Variants in ARHGEF7 observed in about 807,000 individuals in gnomAD.
The protein encoded by ARHGEF7 is Rho guanine nucleotide exchange factor 7.
In ARHGEF7, 33 loss-of-function variants were observed where a neutral mutation model predicts 109.8. That is an observed-to-expected ratio of 0.30 (90% CI 0.23 to 0.40). The LOEUF (loss-of-function observed/expected upper bound fraction) is 0.40. ARHGEF7 is among the 10% of genes least tolerant of loss of function. The probability of loss-of-function intolerance (pLI) is 1.00; values close to 1 mark genes in which losing one functional copy is unlikely to be tolerated. For synonymous variants in ARHGEF7, 458 were observed against 424.6 expected, an observed-to-expected ratio of 1.08 and a Z score of -0.97; for missense variants, 938 against 1,098.5, an observed-to-expected ratio of 0.85 and a Z score of 2.07.
chr13:111,284,529 C>T (rs1220492521), intron 16 of ARHGEF7, among the ~76,000 whole-genome samples: 2 of 152,194 alleles, frequency 1.3e-5, no homozygotes, highest in Non-Finnish European at 2.9e-5. Flanking sequence ...ACTACAAGAA[C>T]TGGTGGAGAC....
chr13:111,278,415 G>A (rs530296419), intron 13 of ARHGEF7, among the ~76,000 whole-genome samples: 24 of 152,252 alleles, frequency 1.6e-4, no homozygotes, highest in Admixed American at 3.9e-4. Context: ...CCGCCACTTC[G>A]TGTTCTCTGG....
Position 111,279,567 on chromosome 13 carries a change from G to A in ARHGEF7, c.1507-705G>A, listed in dbSNP as rs574787879. ...CCAGACGCCCACTGCCTCTTCCTGC[G>A]GACTTGGTGGGCCACCATGTACTGT... is the stretch of plus-strand genomic sequence containing the variant. On this transcript the variant is annotated intron_variant, in intron 13 of 21. Transcript: ENST00000646102. Among the ~76,000 whole-genome samples the A allele has an allele frequency of 6.6e-5, 10 of 152,352 alleles. No homozygotes were observed. In the South Asian group the frequency reaches 1.4e-3, roughly 22 times the overall value.
At chr13:111,186,608 T>G (rs943172795) in intron 2 of ARHGEF7, among the ~76,000 whole-genome samples, 2 of 152,244 alleles carry the variant, frequency 1.3e-5, no homozygotes, top group Non-Finnish European at 2.9e-5. Context: ...TTAAGATTCA[T>G]TTTTTACTCT....
rs149512185 is a variant in ARHGEF7, at chr13:111,288,361, T to C, written c.2052T>C (p.Ala684=). The change falls in exon 18 of 22, where the codon GCT becomes GCC. Residue 684 remains alanine, a synonymous_variant. Coordinates refer to ENST00000646102, the MANE Select transcript of ARHGEF7 (RefSeq NM_001354046.2). ...TTGCGCATCTCTTGACAGGCACAGC[T>C]GCTTTGGAAGAAGATGCTCAGATTC... ...DEEFASRKST[A]ALEEDAQILK... is the part of the protein sequence containing the mutation. 2.4e-5 allele frequency: 39 copies of C among 1,612,916 alleles called. No individual in the cohort carries two copies. The highest frequency in any genetic ancestry group is 3.1e-5 in the Non-Finnish European group (37 of 1,179,126).
chr13:111,250,348 G>A (rs1331747264), intron 8 of ARHGEF7, among the ~76,000 whole-genome samples: 2 of 152,226 alleles, frequency 1.3e-5, no homozygotes, highest in African/African-American at 2.4e-5. Flanking sequence ...CTGCCACCAC[G>A]TGCGTGATGC....
chr13:111,251,907 C>T (rs559489162), intron 8 of ARHGEF7, among the ~76,000 whole-genome samples: 6 of 152,314 alleles, frequency 3.9e-5, no homozygotes, highest in African/African-American at 1.2e-4. Flanking sequence ...CCAGAATGAC[C>T]CTATGCCTAG....
chr13:111,116,971 T>G (rs368363306), intron 1 of ARHGEF7, among the ~76,000 whole-genome samples: 1 of 152,366 alleles, frequency 6.6e-6, no homozygotes, highest in South Asian at 2.1e-4. Context: ...GAACCTGATG[T>G]CACAGTGAAA....
rs2153528170 is a variant in ARHGEF7 at position 111,233,775 on chromosome 13, C to CT, written c.759+483dup. 2.0e-5 allele frequency among the ~76,000 whole-genome samples: 3 copies of CT among 152,222 alleles called. No homozygotes were observed. The South Asian group carries it at 6.2e-4, about 32-fold the overall frequency. On this transcript the variant is annotated intron_variant, in intron 6 of 21. Transcript: ENST00000646102. Reference sequence around the variant, plus strand: ...AGAATTAGGGGAGCATGTCTAAACGCTATACGTGTTAAAGACAGGTGTTTC... The same window carrying CT: ...AGAATTAGGGGAGCATGTCTAAACGCTTATACGTGTTAAAGACAGGTGTTTC...
At chr13:111,179,509 G>T (rs1297444500) in intron 2 of ARHGEF7, among the ~76,000 whole-genome samples, 1 of 152,056 alleles carries the variant, frequency 6.6e-6, no homozygotes, top group Non-Finnish European at 1.5e-5. Flanking sequence ...CATAACCATG[G>T]TGTCATTATC....
Position 111,272,005 on chromosome 13 carries a change from G to C in ARHGEF7, c.1074-1809G>C, listed in dbSNP as rs2092193085. ...TGGCCTTGGTTAATGAGACCACCCT[G>C]GTTTTGTAGAAAGCGTTGAGATGTA... On this transcript the variant is annotated intron_variant, in intron 9 of 21. Coordinates refer to ENST00000646102, the MANE Select transcript of ARHGEF7 (RefSeq NM_001354046.2). The surrounding 1 kb of genome is among the most constrained non-coding windows in gnomAD (Gnocchi z 5.2). Among the ~76,000 whole-genome samples, 4 of 152,178 alleles carry C rather than the reference G, an allele frequency of 2.6e-5. No homozygotes were observed. Among genetic ancestry groups the C allele is most frequent in the Admixed American group, 2.0e-4 (3 of 15,282 alleles).
At chr13:111,261,480 C>T (rs946771680) in intron 8 of ARHGEF7, among the ~76,000 whole-genome samples, 9 of 152,136 alleles carry the variant, frequency 5.9e-5, no homozygotes, top group African/African-American at 1.4e-4. Flanking sequence ...ATTATTAGAA[C>T]TAAAGATAAA....
At chr13:111,209,079 G>T (rs1300340172) in intron 3 of ARHGEF7, among the ~76,000 whole-genome samples, 3 of 152,146 alleles carry the variant, frequency 2.0e-5, no homozygotes, top group Admixed American at 1.3e-4. Context: ...GAGGAAGCTG[G>T]GACCTGGAGA....
At chr13:111,133,042 A>AT (rs1472416709) in intron 1 of ARHGEF7, among the ~76,000 whole-genome samples, 1 of 151,946 alleles carries the variant, frequency 6.6e-6, no homozygotes, top group African/African-American at 2.4e-5. Flanking sequence ...ATACACATGC[A>AT]TATACACATA....
chr13:111,201,778 T>C (rs1379216143), intron 2 of ARHGEF7, among the ~76,000 whole-genome samples: 1 of 152,138 alleles, frequency 6.6e-6, no homozygotes, highest in South Asian at 2.1e-4. Flanking sequence ...CTCCGTAGTC[T>C]CAGCCCTCTT....
chr13:111,197,937 T>C (rs1284891387), intron 2 of ARHGEF7, among the ~76,000 whole-genome samples: 3 of 152,032 alleles, frequency 2.0e-5, no homozygotes, highest in Admixed American at 2.0e-4. Flanking sequence ...AGGGTCAGGA[T>C]GGATAGGATA....
At chr13:111,229,969 G>C (rs756065212) in intron 5 of ARHGEF7, among the ~76,000 whole-genome samples, 4 of 152,076 alleles carry the variant, frequency 2.6e-5, no homozygotes, top group Non-Finnish European at 4.4e-5. Context: ...GTTACTAAGG[G>C]ATCCAGTTTT....
intron 4 of ARHGEF7, among the ~76,000 whole-genome samples, chr13:111,211,339 C>A (rs1566834762): frequency 6.6e-6 from 1 of 152,128 alleles, no homozygotes; most frequent in African/African-American, 2.4e-5. Flanking sequence ...GAAATCAGCT[C>A]GCCTTGGGTA....
intron 1 of ARHGEF7, among the ~76,000 whole-genome samples, chr13:111,123,470 T>C (rs1797570922): frequency 6.8e-6 from 1 of 147,850 alleles, no homozygotes; most frequent in South Asian, 2.1e-4. Flanking sequence ...ACCATGGCCA[T>C]AGATAACAAA....
intron 19 of ARHGEF7, among the ~76,000 whole-genome samples, chr13:111,299,291 G>T (rs2093501378): frequency 6.6e-6 from 1 of 151,474 alleles, no homozygotes; most frequent in Non-Finnish European, 1.5e-5. Flanking sequence ...ACCTTGTTCT[G>T]CTCAGGGGAG....
Sources: gnomAD v4.1 joint callset for allele counts (sites outside exome capture counted in the v4.1 genomes callset) on GRCh38, gnomAD v4.1.1 for gene constraint, Gnocchi (gnomAD v3.1) non-coding constraint, MANE v1.5 for transcripts, NCBI Gene and HGNC (gene_info 2026-07-23, HGNC 2026-07-21) for gene names.